Variants in MYH13 observed in about 807,000 individuals in gnomAD.
MYH13 encodes the protein myosin heavy chain 13, also known as myosin-13.
MYH13 carries 177 observed loss-of-function variants against 232.1 expected under a neutral mutation model. The observed-to-expected ratio is 0.76, with a 90% CI of 0.67 to 0.86. The LOEUF is 0.86. Among genes scored for constraint, MYH13 ranks in the 40% least tolerant of loss-of-function variants. MYH13 has a pLI of 0.00. For missense variants in MYH13, 2,246 were observed against 2,405.9 expected, an observed-to-expected ratio of 0.93 and a Z score of 1.39; for synonymous variants, 884 against 923.5, an observed-to-expected ratio of 0.96 and a Z score of 0.78.
intron 29 of MYH13, among the ~76,000 whole-genome samples, 158 bp from the exon 30 acceptor site, chr17:10,313,512 TC>T (rs1274192407): frequency 6.6e-6 from 1 of 152,268 alleles, no homozygotes; most frequent in Non-Finnish European, 1.5e-5. Context: ...TAATTTTTTT[TC>T]AAGTGGACTC....
rs201528492 is a variant in MYH13 at position 10,364,382 on chromosome 17, C to A, written c.149G>T (p.Gly50Val). 131 of 1,613,790 alleles carry A rather than the reference C, an allele frequency of 8.1e-5. No homozygotes were observed. Among genetic ancestry groups the A allele is most frequent in the Admixed American group, 3.5e-4 (21 of 59,996 alleles). ...VADNKEMYVK[G>V]MIQTRENDKV... The stretch of plus-strand genomic sequence containing the variant: ...GTCATTTTCCCTAGTCTGGATCATG[C>A]CTTTCACATACATTTCCTTATTATC... Residue 50 changes from glycine (G) to valine (V), a missense_variant, in exon 3 of 41, where the codon GGC becomes GTC. Physicochemically the swap from Gly to Val is moderately radical, Grantham distance 109. Coordinates refer to ENST00000252172, the MANE Select transcript of MYH13 (RefSeq NM_003802.3).
chr17:10,316,147 A>C, intron 27 of MYH13, 122 bp from the exon 28 acceptor site: 2 of 1,301,790 alleles, frequency 1.5e-6, no homozygotes, highest in Non-Finnish European at 2.1e-6. Context: ...GTACAGAACA[A>C]AAAAAAGTTC....
intron 13 of MYH13, 128 bp from the exon 14 acceptor site, chr17:10,345,744 C>A: frequency 1.3e-6 from 2 of 1,522,402 alleles, no homozygotes; most frequent in East Asian, 2.3e-5. Flanking sequence ...CCTGTAATCC[C>A]AGCACTTTGG....
intron 27 of MYH13, among the ~76,000 whole-genome samples, chr17:10,318,222 A>C (rs1254769232): frequency 6.6e-6 from 1 of 152,222 alleles, no homozygotes; most frequent in Non-Finnish European, 1.5e-5. Context: ...AGCCTGGGGA[A>C]CAAGAGCGAA....
intron 22 of MYH13, among the ~76,000 whole-genome samples, chr17:10,326,118 A>G (rs904055862): frequency 2.6e-5 from 4 of 152,202 alleles, no homozygotes; most frequent in African/African-American, 7.2e-5. Context: ...TGATTTTTCA[A>G]TAGCTGGATG....
intron 2 of MYH13, among the ~76,000 whole-genome samples, chr17:10,366,165 T>C (rs2071835480): frequency 6.6e-6 from 1 of 151,914 alleles, no homozygotes; most frequent in Non-Finnish European, 1.5e-5. Context: ...GTGTGGACTG[T>C]TCCTCTTCTC....
chr17:10,321,537 C>G lies in MYH13; in HGVS notation c.3106G>C (p.Asp1036His). The G allele has an allele frequency of 6.2e-7, 1 of 1,611,182 alleles. No individual in the cohort carries two copies. The highest frequency in any genetic ancestry group is 8.5e-7 in the Non-Finnish European group (1 of 1,178,990). ...TAGTAGTAAAATATCCTCACATCAT[C>G]TGTTTGCTGTTCAAGCTTGGCATTT... ...KINAKLEQQT[D>H]DLEGSLEQEK... The change falls in exon 24 of 41, where the codon GAT becomes CAT. Residue 1036 changes from aspartate (D) to histidine (H), a missense_variant. By Grantham distance (81) the Asp-to-His change is moderately conservative. Coordinates refer to ENST00000252172, the MANE Select transcript of MYH13 (RefSeq NM_003802.3).
intron 29 of MYH13, among the ~76,000 whole-genome samples, chr17:10,314,247 C>T (rs778663749): frequency 6.6e-6 from 1 of 152,108 alleles, no homozygotes; most frequent in Non-Finnish European, 1.5e-5. Context: ...TGGAGAAACC[C>T]TGTCACTACT....
rs867993543 is a variant in MYH13, at chr17:10,327,480, A to G, written c.2691+386T>C. 2.8e-4 allele frequency among the ~76,000 whole-genome samples: 43 copies of G among 152,294 alleles called. 1 individual carries two copies. The highest frequency in any genetic ancestry group is 3.4e-3 in the Middle Eastern group (1 of 294). ...TTTTACATATTATTGTAAATAATAT[A>G]TAGAAAATTACTCTTGCTACTTTGA... is the stretch of plus-strand genomic sequence containing the variant. On this transcript the variant is annotated intron_variant, in intron 22 of 40. Transcript: ENST00000252172.
rs748054237 is a variant in MYH13 at position 10,306,635 on chromosome 17, T to G, written c.5296-6A>C. 1.2e-6 allele frequency: 2 copies of G among 1,613,946 alleles called. No individual in the cohort carries two copies. Among genetic ancestry groups the G allele is most frequent in the East Asian group, 4.5e-5 (2 of 44,882 alleles). Reference sequence around the variant, plus strand: ...TCCTCAGCCATCATGGCAGCCTGGTTAAGTTCACAGGACACATCAGAGGCC... The same window carrying G: ...TCCTCAGCCATCATGGCAGCCTGGTGAAGTTCACAGGACACATCAGAGGCC... On this transcript the variant is annotated splice_region_variant and splice_polypyrimidine_tract_variant and intron_variant, in intron 36 of 40. Transcript: ENST00000252172. This position sits in a 1 kb window ranked among gnomAD's most constrained non-coding sequence, Gnocchi z 4.3.
chr17:10,368,355 A>G (rs990863854), intron 2 of MYH13, among the ~76,000 whole-genome samples: 6 of 152,230 alleles, frequency 3.9e-5, no homozygotes, highest in African/African-American at 4.8e-5. Context: ...ATGTTTGCCA[A>G]ATATCCAAGT....
At chr17:10,346,886 C>G in intron 12 of MYH13, 88 bp from the exon 13 acceptor site, 1 of 924,970 alleles carries the variant, frequency 1.1e-6, no homozygotes. Context: ...GAAGTGTTTT[C>G]TGTAATTTTC....
chr17:10,350,787 C>T, intron 11 of MYH13, 93 bp from the exon 12 acceptor site: 1 of 1,506,532 alleles, frequency 6.6e-7, no homozygotes, highest in Non-Finnish European at 9.2e-7. Context: ...TTTTGTATAG[C>T]ATATGAGACA....
At position 10,333,103 on chromosome 17, in the gene MYH13, G is replaced by T. The variant is rs1202350615; in HGVS notation, c.2145C>A (p.Ser715Arg). The change falls in exon 19 of 41, where the codon AGC (serine) becomes AGA (arginine). Residue 715 changes from serine (S) to arginine (R), a missense_variant. Transcript: ENST00000252172. ...GIRICRKGFP[S>R]RILYADFKQR... ...GCTTGAAGTCAGCATAGAGGATCCG[G>T]CTGGGGAATCCCTTCCTGCAAATCC... 1 of 1,551,506 alleles carries T rather than the reference G, an allele frequency of 6.4e-7. No homozygotes were observed. Among genetic ancestry groups the T allele is most frequent in the Non-Finnish European group, 8.7e-7 (1 of 1,146,856 alleles).
chr17:10,359,918 A>G, intron 7 of MYH13, 42 bp downstream of exon 7: 1 of 1,544,536 alleles, frequency 6.5e-7, no homozygotes. Context: ...TTTAAAGTAT[A>G]CTTATTCCAG....
chr17:10,335,361 T>C (rs753061313), intron 18 of MYH13, among the ~76,000 whole-genome samples: 7 of 152,112 alleles, frequency 4.6e-5, no homozygotes, highest in African/African-American at 1.7e-4. Context: ...TCCACAGAAA[T>C]TTAAAATTCA....
chr17:10,362,748 CCAGGAGTGGGTTACAGGTGTG>C (rs1326471867), intron 3 of MYH13, among the ~76,000 whole-genome samples: 2 of 152,120 alleles, frequency 1.3e-5, no homozygotes, highest in Non-Finnish European at 2.9e-5. Flanking sequence ...GTCGTGTGTA[CCAGGAGTGGGTTACAGGTGTG>C]CAGAGCTTTG....
At chr17:10,310,689 C>T (rs1906479726) in intron 33 of MYH13, among the ~76,000 whole-genome samples, 1 of 152,098 alleles carries the variant, frequency 6.6e-6, no homozygotes, top group African/African-American at 2.4e-5. Context: ...TCCCTAGAAA[C>T]CACCAGCCAT....
intron 26 of MYH13, 88 bp downstream of exon 26, chr17:10,320,065 A>C: frequency 2.1e-6 from 2 of 946,992 alleles, no homozygotes; most frequent in Non-Finnish European, 3.2e-6. Flanking sequence ...GGAAGGAAAG[A>C]AGCAGCTAAA....
Sources: gnomAD v4.1 joint callset for allele counts (sites outside exome capture counted in the v4.1 genomes callset) on GRCh38, gnomAD v4.1.1 for gene constraint, Gnocchi (gnomAD v3.1) non-coding constraint, MANE v1.5 for transcripts, NCBI Gene and HGNC (gene_info 2026-07-23, HGNC 2026-07-21) for gene names.